CACNA1C: variants seen among roughly 807,000 people sequenced by gnomAD.
CACNA1C encodes voltage-dependent L-type calcium channel subunit alpha-1C.
A neutral mutation model predicts 229.0 loss-of-function variants in CACNA1C; 30 were observed. The ratio of observed to expected loss-of-function variants is 0.13; its 90% CI spans 0.10 to 0.18. CACNA1C has a LOEUF of 0.18. Among genes scored for constraint, CACNA1C ranks in the 10% least tolerant of loss-of-function variants. CACNA1C has a pLI of 1.00. For synonymous variants in CACNA1C, 1,114 were observed against 1,132.5 expected (o/e 0.98, Z 0.33); for missense variants, 1,658 against 2,845.0 (o/e 0.58, Z 9.49).
At chr12:2,120,535 CA>C (rs1248505532) in intron 3 of CACNA1C, 105 bp downstream of exon 3, 3 of 776,302 alleles carry the variant, frequency 3.9e-6, no homozygotes, top group Admixed American at 3.7e-5. Flanking sequence ...GTGTGTTTGG[CA>C]TGTGCAGGAG....
chr12:2,378,819 T>TTCCTTCCTTCCTTCCTTC lies in CACNA1C; in HGVS notation c.478-70157_478-70156insTCCTTCCTTCCTTCCTTC, dbSNP rs745485698. On this transcript the variant is annotated intron_variant, in intron 3 of 46. Transcript: ENST00000399655. Reference sequence around the variant, plus strand: ...CTTCCTTCCTTCCTTCCTTCCTTCCTCTCTCTCTTTCCTTCTTTTTTTCTT... The same window carrying TTCCTTCCTTCCTTCCTTC: ...CTTCCTTCCTTCCTTCCTTCCTTCCTTCCTTCCTTCCTTCCTTCCTCTCTCTTTCCTTCTTTTTTTCTT... Among the ~76,000 whole-genome samples the TTCCTTCCTTCCTTCCTTC allele has an allele frequency of 3.8e-3, 558 of 147,852 alleles. 2 individuals carry two copies. The highest frequency in any genetic ancestry group is 0.013 in the African/African-American group (531 of 39,786).
intron 1 of CACNA1C, among the ~76,000 whole-genome samples, chr12:2,006,269 G>C (rs547702949): frequency 2.0e-5 from 3 of 152,224 alleles, no homozygotes; most frequent in Non-Finnish European, 2.9e-5. Context: ...TTAGCCAGGA[G>C]TGGTGGCAGG....
At chr12:2,066,333 C>T (rs979449154) in intron 1 of CACNA1C, among the ~76,000 whole-genome samples, 7 of 151,820 alleles carry the variant, frequency 4.6e-5, no homozygotes, top group South Asian at 2.1e-4. Flanking sequence ...AGGGAAGGAA[C>T]GATGGAGAGC....
chr12:2,556,296 T>G (rs1354201444), intron 10 of CACNA1C, among the ~76,000 whole-genome samples: 2 of 152,280 alleles, frequency 1.3e-5, no homozygotes, highest in South Asian at 4.1e-4. Context: ...TGGAACCTCC[T>G]CCCTGTTCCA....
chr12:2,014,334 T>C (rs1252788893), intron 1 of CACNA1C, among the ~76,000 whole-genome samples: 1 of 152,114 alleles, frequency 6.6e-6, no homozygotes, highest in Admixed American at 6.5e-5. Context: ...GTTCTTATAA[T>C]AAGCATAGCA....
chr12:2,067,449 CGTGTGTGTGTGTGTGT>C lies in CACNA1C; in HGVS notation c.49+13856_49+13871del, dbSNP rs1555107490. Among the ~76,000 whole-genome samples the C allele has an allele frequency of 7.1e-6, 1 of 141,376 alleles. No individual in the cohort carries two copies. The highest frequency in any genetic ancestry group is 2.7e-5 in the African/African-American group (1 of 37,658). The allele number at this position is 141,376 out of a possible 152,430, so 92.7% of individuals were successfully genotyped here. ...GCTTAGGACTGTGGACTAGGATGCA[CGTGTGTGTGTGTGTGT>C]GTGTGTGTGTGTGTGTGCGCGCGTG... On this transcript the variant is annotated intron_variant, in intron 1 of 46. Transcript: ENST00000399655. The surrounding 1 kb of genome is among the most constrained non-coding windows in gnomAD (Gnocchi z 5.3).
At chr12:2,593,392 C>A (rs1449462310) in intron 19 of CACNA1C, 47 bp downstream of exon 19, 4 of 1,601,152 alleles carry the variant, frequency 2.5e-6, no homozygotes, top group Middle Eastern at 1.7e-4. Flanking sequence ...TCTCTAGTAC[C>A]AGCCTGGCAG....
intron 3 of CACNA1C, among the ~76,000 whole-genome samples, chr12:2,359,147 G>A (rs1047793291): frequency 1.3e-5 from 2 of 152,152 alleles, no homozygotes; most frequent in Non-Finnish European, 2.9e-5. Context: ...GTCAGCAGGG[G>A]TCAGTGATGA....
At chr12:2,047,962 G>C (rs934852426) in intron 1 of CACNA1C, among the ~76,000 whole-genome samples, 2 of 152,180 alleles carry the variant, frequency 1.3e-5, no homozygotes, top group African/African-American at 4.8e-5. Flanking sequence ...TTCCGATCTC[G>C]ACCATGAAAC....
At chr12:2,451,218 G>A (rs1020669188) in intron 4 of CACNA1C, among the ~76,000 whole-genome samples, 1 of 152,226 alleles carries the variant, frequency 6.6e-6, no homozygotes, top group Non-Finnish European at 1.5e-5. Flanking sequence ...TAAACAAAGA[G>A]TGGCTAAACG....
At chr12:2,305,201 C>T (rs1196155926) in intron 3 of CACNA1C, among the ~76,000 whole-genome samples, 2 of 152,210 alleles carry the variant, frequency 1.3e-5, no homozygotes, top group Admixed American at 1.3e-4. Flanking sequence ...CCCCCTAGCC[C>T]TCCCTGTGCC....
chr12:2,301,298 G>A (rs2094541397), intron 3 of CACNA1C, among the ~76,000 whole-genome samples: 1 of 152,150 alleles, frequency 6.6e-6, no homozygotes, highest in Non-Finnish European at 1.5e-5. Context: ...CCGTATCTGT[G>A]GGTCTTAAAA....
chr12:2,079,625 T>C (rs752351792), intron 1 of CACNA1C, among the ~76,000 whole-genome samples: 11 of 152,186 alleles, frequency 7.2e-5, no homozygotes, highest in Non-Finnish European at 1.6e-4. Flanking sequence ...AGTCCAGTGC[T>C]TCAACATATA....
intron 1 of CACNA1C, among the ~76,000 whole-genome samples, chr12:2,093,732 A>G (rs1479458452): frequency 1.3e-5 from 2 of 152,182 alleles, no homozygotes; most frequent in Non-Finnish European, 2.9e-5. Flanking sequence ...CTTTGGCTCA[A>G]CTGGGAAGTT....
At chr12:2,250,582 A>T (rs536914705) in intron 3 of CACNA1C, among the ~76,000 whole-genome samples, 4 of 152,084 alleles carry the variant, frequency 2.6e-5, no homozygotes, top group African/African-American at 9.6e-5. Context: ...AGAGACTGGC[A>T]CCTCCTCCAA....
chr12:2,251,478 T>G (rs2075596671), intron 3 of CACNA1C, among the ~76,000 whole-genome samples: 1 of 152,050 alleles, frequency 6.6e-6, no homozygotes, highest in South Asian at 2.1e-4. Context: ...CCAGGGAGGT[T>G]GAGGTAGGTC....
At chr12:2,290,269 A>G (rs549401159) in intron 3 of CACNA1C, among the ~76,000 whole-genome samples, 2 of 152,156 alleles carry the variant, frequency 1.3e-5, no homozygotes, top group South Asian at 2.1e-4. Flanking sequence ...GCAATTGGGG[A>G]TTGGGGGCAG....
chr12:2,664,416 G>C (rs1270204887), intron 34 of CACNA1C, among the ~76,000 whole-genome samples: 2 of 152,170 alleles, frequency 1.3e-5, no homozygotes, highest in Non-Finnish European at 2.9e-5. Flanking sequence ...TTATTGCAGT[G>C]TTATTTGTAC....
chr12:2,597,246 A>G lies in CACNA1C; in HGVS notation c.2810A>G (p.Asp937Gly). The change falls in exon 21 of 47, where the codon GAT becomes GGT. Residue 937 changes from aspartate (D) to glycine (G), a missense_variant. Asp to Gly is a moderately conservative substitution (Grantham distance 94). This residue lies in a region of CACNA1C where 52 missense variants were observed against 99.0 expected (regional missense o/e 0.53). Coordinates refer to ENST00000399655, the MANE Select transcript of CACNA1C (RefSeq NM_000719.7). The surrounding 1 kb of genome is among the most constrained non-coding windows in gnomAD (Gnocchi z 4.3). ...GTTTTGCAGATTCTGTTTTATTTTG[A>G]TATTGTTTTTACCACCATTTTCACC... ...SFRNHILFYF[D>G]IVFTTIFTIE... 1 of 1,609,336 alleles carries G rather than the reference A, an allele frequency of 6.2e-7. No homozygotes were observed. Among genetic ancestry groups the G allele is most frequent in the Non-Finnish European group, 8.5e-7 (1 of 1,176,586 alleles).
Sources: allele counts gnomAD v4.1 joint callset (sites outside exome capture counted in the v4.1 genomes callset), GRCh38; gene constraint gnomAD v4.1.1; regional missense constraint gnomAD v4.1.1; non-coding constraint Gnocchi (gnomAD v3.1); transcripts MANE v1.5; gene names NCBI Gene and HGNC (gene_info 2026-07-23, HGNC 2026-07-21).